PPFIA2: variants seen among roughly 807,000 people sequenced by gnomAD.
PPFIA2 encodes liprin-alpha-2.
In PPFIA2, 46 loss-of-function variants were observed where a neutral mutation model predicts 175.5. That is an observed-to-expected ratio of 0.26 (90% confidence interval 0.21 to 0.34). The LOEUF (loss-of-function observed/expected upper bound fraction) is 0.34. Ranked by LOEUF, PPFIA2 falls within the 10% of genes least tolerant of loss-of-function variation. The pLI, the probability that PPFIA2 is intolerant of heterozygous loss-of-function variation, is 1.00. For missense variants in PPFIA2, 1,179 were observed against 1,506.1 expected, an observed-to-expected ratio of 0.78 and a Z score of 3.60; for synonymous variants, 568 against 511.4, an observed-to-expected ratio of 1.11 and a Z score of -1.49.
At chr12:81,328,610 A>G (rs959477407) in intron 21 of PPFIA2, among the ~76,000 whole-genome samples, 1 of 152,122 alleles carries the variant, frequency 6.6e-6, no homozygotes, top group African/African-American at 2.4e-5. Flanking sequence ...ATATTGTATC[A>G]ATGTTGGCCA....
intron 4 of PPFIA2, among the ~76,000 whole-genome samples, chr12:81,492,123 C>A (rs1306803469): frequency 1.3e-5 from 2 of 151,736 alleles, no homozygotes; most frequent in Admixed American, 6.6e-5. Context: ...ATAGCTTCAC[C>A]ATTTTTTTTT....
intron 8 of PPFIA2, among the ~76,000 whole-genome samples, chr12:81,394,710 G>T (rs754020649): frequency 1.3e-5 from 2 of 151,590 alleles, no homozygotes; most frequent in African/African-American, 2.4e-5. Context: ...TGCATGTGGG[G>T]CTTAAAACCT....
intron 4 of PPFIA2, among the ~76,000 whole-genome samples, chr12:81,525,282 C>T (rs1003529677): frequency 1.3e-5 from 2 of 152,094 alleles, no homozygotes; most frequent in Non-Finnish European, 2.9e-5. Flanking sequence ...TTGTGATTTG[C>T]CCCTCACCAA....
intron 3 of PPFIA2, among the ~76,000 whole-genome samples, chr12:81,724,855 T>C (rs887372486): frequency 1.3e-5 from 2 of 150,998 alleles, no homozygotes; most frequent in South Asian, 2.1e-4. Context: ...AGTGGTGGGA[T>C]TGCTGGATCC....
chr12:81,625,493 G>A (rs2062594252), intron 4 of PPFIA2, among the ~76,000 whole-genome samples: 1 of 151,616 alleles, frequency 6.6e-6, no homozygotes, highest in Admixed American at 6.6e-5. Flanking sequence ...GATGGCATGA[G>A]TTGAATCCTG....
At chr12:81,384,675 T>G (rs1403787219) in intron 8 of PPFIA2, among the ~76,000 whole-genome samples, 1 of 152,100 alleles carries the variant, frequency 6.6e-6, no homozygotes, top group Non-Finnish European at 1.5e-5. Flanking sequence ...TTCTTCAAGA[T>G]CCCTTGTAAA....
intron 11 of PPFIA2, among the ~76,000 whole-genome samples, chr12:81,370,317 G>A (rs573132681): frequency 4.6e-5 from 7 of 151,792 alleles, no homozygotes; most frequent in Admixed American, 1.3e-4. Flanking sequence ...ATGACTTCTG[G>A]TCTCTGAATG....
intron 17 of PPFIA2, among the ~76,000 whole-genome samples, chr12:81,349,334 T>C (rs1217276800): frequency 1.3e-5 from 2 of 152,216 alleles, no homozygotes; most frequent in Non-Finnish European, 2.9e-5. Context: ...CAAATATGTT[T>C]CACAAAGGTT....
At position 81,746,434 on chromosome 12, in the gene PPFIA2, T is replaced by C. The variant is rs902473179; in HGVS notation, c.249+7539A>G. Among the ~76,000 whole-genome samples the C allele has an allele frequency of 1.1e-4, 16 of 143,904 alleles. 1 individual carries two copies. The highest frequency in any genetic ancestry group is 3.7e-4 in the African/African-American group (15 of 41,048). The allele number at this position is 143,904 out of a possible 152,430, so 94.4% of individuals were successfully genotyped here. A position where few individuals can be genotyped will look rare whatever the true frequency, so the allele number is the denominator to read the frequency against. On this transcript the variant is annotated intron_variant, in intron 3 of 32. Transcript: ENST00000549396. ...TGGTTATTGGTGATAGCGAACATTC[T>C]GAACAGGGAGTTAGAGGAAAAATCA...
chr12:81,745,725 C>A (rs2082950586), intron 3 of PPFIA2, among the ~76,000 whole-genome samples: 1 of 152,194 alleles, frequency 6.6e-6, no homozygotes, highest in South Asian at 2.1e-4. Flanking sequence ...CCTTGGAGAA[C>A]TATGAGGACT....
At chr12:81,309,952 A>G (rs1251562123) in intron 22 of PPFIA2, among the ~76,000 whole-genome samples, 1 of 152,104 alleles carries the variant, frequency 6.6e-6, no homozygotes, top group Admixed American at 6.5e-5. Flanking sequence ...ATTCCTCCCC[A>G]TTAAACAATT....
rs1008985207 is a variant in PPFIA2 at position 81,370,397 on chromosome 12, C to T, written c.1267-1203G>A. Among the ~76,000 whole-genome samples the T allele has an allele frequency of 4.2e-4, 63 of 151,750 alleles. 2 individuals are homozygous for T. Among genetic ancestry groups the T allele is most frequent in the Non-Finnish European group, 5.9e-5 (4 of 67,856 alleles). ...TACTTGGTCTCAAATATTGGTCTAA[C>T]GGTCCACTCTCAGATATTGGTCTAG... On this transcript the variant is annotated intron_variant, in intron 11 of 32. Coordinates refer to ENST00000549396, the MANE Select transcript of PPFIA2 (RefSeq NM_003625.5).
intron 4 of PPFIA2, among the ~76,000 whole-genome samples, chr12:81,665,341 A>G (rs181722938): frequency 2.0e-5 from 3 of 152,214 alleles, no homozygotes; most frequent in South Asian, 2.1e-4. Context: ...CATCAGAATG[A>G]TTAAACAATA....
At chr12:81,368,658 A>T in intron 13 of PPFIA2, 67 bp downstream of exon 13, 2 of 1,449,050 alleles carry the variant, frequency 1.4e-6, no homozygotes, top group South Asian at 2.7e-5. Flanking sequence ...CAATGATTGC[A>T]GCTGTATATA....
At chr12:81,277,469 G>A (rs1223568778) in intron 27 of PPFIA2, 55 bp from the exon 28 acceptor site, 1 of 1,431,186 alleles carries the variant, frequency 7.0e-7, no homozygotes, top group Non-Finnish European at 9.1e-7. Context: ...AGCAGGTGGA[G>A]AAAGTTTTGT....
intron 28 of PPFIA2, among the ~76,000 whole-genome samples, chr12:81,276,872 C>A (rs1002570563): frequency 2.6e-5 from 4 of 152,148 alleles, no homozygotes; most frequent in African/African-American, 9.6e-5. Context: ...CATATAATTT[C>A]TTTAACTATA....
At chr12:81,316,618 A>G (rs893841767) in intron 22 of PPFIA2, among the ~76,000 whole-genome samples, 2 of 151,614 alleles carry the variant, frequency 1.3e-5, no homozygotes, top group East Asian at 3.8e-4. Context: ...AAACAGCTAC[A>G]TCTCGTGTTT....
At chr12:81,535,430 A>T in intron 4 of PPFIA2, 1 of 455,530 alleles carries the variant, frequency 2.2e-6, no homozygotes, top group South Asian at 1.6e-5. Flanking sequence ...ACCATATCTC[A>T]GTGGACACTA....
At chr12:81,265,789 A>C (rs1251269725) in intron 30 of PPFIA2, among the ~76,000 whole-genome samples, 1 of 152,220 alleles carries the variant, frequency 6.6e-6, no homozygotes, top group Non-Finnish European at 1.5e-5. Context: ...TCCTAAGAGA[A>C]TGTAGCAATA....
Sources: allele counts gnomAD v4.1 joint callset (sites outside exome capture counted in the v4.1 genomes callset), GRCh38; gene constraint gnomAD v4.1.1; transcripts MANE v1.5; gene names NCBI Gene and HGNC (gene_info 2026-07-23, HGNC 2026-07-21).